The following PIGW variants were observed in gnomAD, a reference collection of about 807,000 sequenced individuals.
PIGW encodes glucosaminyl-phosphatidylinositol-acyltransferase PIGW.
PIGW carries 23 observed loss-of-function variants against 34.0 expected under a neutral mutation model. The ratio of observed to expected loss-of-function variants is 0.68; its 90% CI spans 0.49 to 0.96. The LOEUF is 0.96. Among genes scored for constraint, PIGW ranks in the 40% least tolerant of loss-of-function variants. The pLI, the probability that PIGW is intolerant of heterozygous loss-of-function variation, is 0.00. For missense variants in PIGW, 574 were observed against 586.3 expected, an observed-to-expected ratio of 0.98 and a Z score of 0.22; for synonymous variants, 225 against 225.2, an observed-to-expected ratio of 1.00 and a Z score of 0.01.
chr17:36,537,196 G>C lies in PIGW; in HGVS notation c.95G>C (p.Cys32Ser). 1 of 1,614,156 alleles carries C rather than the reference G, an allele frequency of 6.2e-7. No individual in the cohort carries two copies. The change falls in exon 2 of 2, where the codon TGT becomes TCT. Residue 32 changes from cysteine to serine, a missense_variant. Physicochemically the swap from Cys to Ser is moderately radical, Grantham distance 112. Transcript: ENST00000614443. ...CAGGGATTGTGCTTTCCTGCATTCT[G>C]TATCCTGTGCAGAGGGTTCCTGATC... ...ITQGLCFPAF[C>S]ILCRGFLIIF...
Position 36,537,553 on chromosome 17 carries a change from T to G in PIGW, c.452T>G (p.Leu151Arg), listed in dbSNP as rs1567808733. The change falls in exon 2 of 2, where the codon CTT becomes CGT. Residue 151 changes from leucine (L) to arginine (R), a missense_variant. Coordinates refer to ENST00000614443, the MANE Select transcript of PIGW (RefSeq NM_001346754.2). ...AIAILAVDFP[L>R]FPRRFAKTEL... ...GCTATTTTGGCTGTGGACTTCCCACTTTTTCCCAGAAGATTTGCCAAAACT... is the reference window on the plus strand; with the variant it reads ...GCTATTTTGGCTGTGGACTTCCCACGTTTTCCCAGAAGATTTGCCAAAACT... 6.2e-7 allele frequency: 1 copy of G among 1,614,198 alleles called. No homozygotes were observed. Among genetic ancestry groups the G allele is most frequent in the African/African-American group, 1.3e-5 (1 of 75,058 alleles).
In PIGW at chr17:36,538,519, C is replaced by T. The variant is rs2074174836; in HGVS notation, c.1418C>T (p.Thr473Ile). 2 of 1,613,694 alleles carry T rather than the reference C, an allele frequency of 1.2e-6. No individual in the cohort carries two copies. The highest frequency in any genetic ancestry group is 1.3e-5 in the African/African-American group (1 of 75,000). Residue 473 changes from threonine (T) to isoleucine (I), a missense_variant, in exon 2 of 2, where the codon ACC becomes ATC. Thr to Ile is a moderately conservative substitution (Grantham distance 89). Transcript: ENST00000614443. ...NLMVDTLHSS[T>I]LWALFVVNLY... ...ATGGTAGATACATTACACAGCAGTACCTTGTGGGCCTTATTTGTGGTCAAT... is the reference window on the plus strand; with the variant it reads ...ATGGTAGATACATTACACAGCAGTATCTTGTGGGCCTTATTTGTGGTCAAT...
chr17:36,538,737 C>G lies in PIGW; in HGVS notation c.*121C>G. 3.5e-6 allele frequency: 3 copies of G among 858,964 alleles called. No individual in the cohort carries two copies. The South Asian group carries it at 5.8e-5, about 17-fold the overall frequency. The allele number at this position is 858,964 out of a possible 1,614,324, so 53.2% of individuals were successfully genotyped here. A position where few individuals can be genotyped will look rare whatever the true frequency, so the allele number is the denominator to read the frequency against. ...TTTATTATAAAATAGTTTCAGTCAT[C>G]TAAACAGCAGTGATGCTTAATTATT... On this transcript the variant is annotated 3_prime_UTR_variant, in exon 2 of 2. Coordinates refer to ENST00000614443, the MANE Select transcript of PIGW (RefSeq NM_001346754.2).
Position 36,537,403 on chromosome 17 carries a change from G to C in PIGW, c.302G>C (p.Arg101Thr). 1 of 1,614,006 alleles carries C rather than the reference G, an allele frequency of 6.2e-7. No individual in the cohort carries two copies. The highest frequency in any genetic ancestry group is 8.5e-7 in the Non-Finnish European group (1 of 1,180,022). Residue 101 changes from arginine (R) to threonine (T), a missense_variant, in exon 2 of 2, where the codon AGG becomes ACG. Transcript: ENST00000614443. ...AGLLYQIYRR[R>T]TCYARLPFLK... The stretch of plus-strand genomic sequence containing the variant: ...CTGTTGTATCAAATATACCGAAGGA[G>C]GACCTGCTATGCCAGACTGCCTTTC...
In PIGW at chr17:36,537,792, G is replaced by A; in HGVS notation, c.691G>A (p.Glu231Lys). 6.2e-7 allele frequency: 1 copy of A among 1,614,130 alleles called. No individual in the cohort carries two copies. Among genetic ancestry groups the A allele is most frequent in the Non-Finnish European group, 8.5e-7 (1 of 1,180,002 alleles). ...AATAGGCTATCAGGAACATTTAACA[G>A]AGTATGGAGTTCACTGGAACTTTTT... Reference protein sequence around the residue: ...KSIGYQEHLTEYGVHWNFFFT... With the variant: ...KSIGYQEHLTKYGVHWNFFFT... Residue 231 changes from glutamate to lysine, a missense_variant, in exon 2 of 2, where the codon GAG becomes AAG. Coordinates refer to ENST00000614443, the MANE Select transcript of PIGW (RefSeq NM_001346754.2).
rs915498700 is a variant in PIGW at position 36,537,935 on chromosome 17, T to C, written c.834T>C (p.Phe278=). 2.5e-6 allele frequency: 4 copies of C among 1,614,142 alleles called. No individual in the cohort carries two copies. The highest frequency in any genetic ancestry group is 2.5e-6 in the Non-Finnish European group (3 of 1,180,030). The part of the protein sequence containing the change: ...ITVLYQLALD[F]TSLKRLILYG... ...TATTATACCAGCTAGCCCTTGACTT[T>C]ACCTCACTGAAGAGGTTAATATTAT... The change falls in exon 2 of 2, where the codon TTT becomes TTC. Residue 278 remains phenylalanine, a synonymous_variant. Transcript: ENST00000614443.
Position 36,537,410 on chromosome 17 carries a change from C to G in PIGW, c.309C>G (p.Cys103Trp), listed in dbSNP as rs537323347. Residue 103 changes from cysteine (C) to tryptophan (W), a missense_variant, in exon 2 of 2, where the codon TGC (cysteine) becomes TGG (tryptophan). By Grantham distance (215) the Cys-to-Trp change is radical. Coordinates refer to ENST00000614443, the MANE Select transcript of PIGW (RefSeq NM_001346754.2). ...ATCAAATATACCGAAGGAGGACCTG[C>G]TATGCCAGACTGCCTTTCCTAAAAA... ...LLYQIYRRRTCYARLPFLKIL... is the reference protein window; with the variant it reads ...LLYQIYRRRTWYARLPFLKIL... 5.1e-5 allele frequency: 83 copies of G among 1,614,050 alleles called. 3 individuals carry two copies. The South Asian group carries it at 9.1e-4, about 18-fold the overall frequency.
intron 1 of PIGW, among the ~76,000 whole-genome samples, chr17:36,536,390 A>G (rs1299146531): frequency 6.6e-6 from 1 of 152,172 alleles, no homozygotes; most frequent in African/African-American, 2.4e-5. Flanking sequence ...TCATTAGTAA[A>G]TCCTATTCAA....
chr17:36,538,279 T>C lies in PIGW; in HGVS notation c.1178T>C (p.Ile393Thr), dbSNP rs540887439. The change falls in exon 2 of 2, where the codon ATA (isoleucine) becomes ACA (threonine). Residue 393 changes from isoleucine to threonine, a missense_variant. Coordinates refer to ENST00000614443, the MANE Select transcript of PIGW (RefSeq NM_001346754.2). Reference protein sequence around the residue: ...ILLSSLLLGDIILSFAKFLIK... With the variant: ...ILLSSLLLGDTILSFAKFLIK... The stretch of plus-strand genomic sequence containing the variant: ...CTTAGTAGTTTATTACTGGGTGATA[T>C]AATTTTGAGTTTTGCCAAATTTCTA... 1.2e-4 allele frequency: 190 copies of C among 1,613,374 alleles called. No individual in the cohort carries two copies. In the South Asian group the frequency reaches 1.9e-3, roughly 16 times the overall value.
At position 36,538,068 on chromosome 17, in the gene PIGW, G is replaced by C; in HGVS notation, c.967G>C (p.Gly323Arg). ...AATACACATGGCTGGTGTGCAAACA[G>C]GGTTATATATGCATAAGAACCGATC... The part of the protein sequence containing the change: ...VAIHMAGVQT[G>R]LYMHKNRSHI... The change falls in exon 2 of 2, where the codon GGG (glycine) becomes CGG (arginine). Residue 323 changes from glycine (G) to arginine (R), a missense_variant. Coordinates refer to ENST00000614443, the MANE Select transcript of PIGW (RefSeq NM_001346754.2). 1 of 1,614,130 alleles carries C rather than the reference G, an allele frequency of 6.2e-7. No homozygotes were observed. The highest frequency in any genetic ancestry group is 8.5e-7 in the Non-Finnish European group (1 of 1,180,024).
chr17:36,536,524 CTTTTTT>C (rs10715370), intron 1 of PIGW, among the ~76,000 whole-genome samples: 4 of 125,532 alleles, frequency 3.2e-5, no homozygotes, highest in South Asian at 2.5e-4. Context: ...TTTTCTTTTC[CTTTTTT>C]TTTTTTTTTT....
chr17:36,537,203 G>A lies in PIGW; in HGVS notation c.102G>A (p.Leu34=). The change falls in exon 2 of 2, where the codon CTG becomes CTA. Residue 34 remains leucine (L), a synonymous_variant. Transcript: ENST00000614443. The stretch of plus-strand genomic sequence containing the variant: ...TGTGCTTTCCTGCATTCTGTATCCT[G>A]TGCAGAGGGTTCCTGATCATTTTCT... ...QGLCFPAFCI[L]CRGFLIIFSQ... 6.2e-7 allele frequency: 1 copy of A among 1,614,136 alleles called. No homozygotes were observed. The highest frequency in any genetic ancestry group is 2.2e-5 in the East Asian group (1 of 44,880).
rs1033063826 is a variant in PIGW, at chr17:36,535,381, G to A, written c.-220G>A. The A allele has an allele frequency of 1.3e-5, 2 of 152,332 alleles. No homozygotes were observed. The highest frequency in any genetic ancestry group is 6.5e-5 in the Admixed American group (1 of 15,286). 9.4% of individuals were successfully genotyped at this position (152,332 alleles called of 1,614,324 possible). ...TGCACCAGCCCAAAGGACATGACAG[G>A]AGTGGGTAGCCCACGGGACACTGGC... On this transcript the variant is annotated 5_prime_UTR_variant, in exon 1 of 2. Transcript: ENST00000614443.
At position 36,538,067 on chromosome 17, in the gene PIGW, A is replaced by C. The variant is rs754169928; in HGVS notation, c.966A>C (p.Thr322=). 6.2e-7 allele frequency: 1 copy of C among 1,614,210 alleles called. No homozygotes were observed. The highest frequency in any genetic ancestry group is 8.5e-7 in the Non-Finnish European group (1 of 1,180,038). Residue 322 remains threonine, a synonymous_variant, in exon 2 of 2, where the codon ACA becomes ACC. Coordinates refer to ENST00000614443, the MANE Select transcript of PIGW (RefSeq NM_001346754.2). ...YVAIHMAGVQ[T]GLYMHKNRSH... ...CAATACACATGGCTGGTGTGCAAAC[A>C]GGGTTATATATGCATAAGAACCGAT...
chr17:36,536,347 A>C (rs778176990), intron 1 of PIGW, among the ~76,000 whole-genome samples: 1 of 152,114 alleles, frequency 6.6e-6, no homozygotes, highest in Non-Finnish European at 1.5e-5. Flanking sequence ...TTCAAAATGT[A>C]CTTGGCCCCT....
At position 36,535,036 on chromosome 17, in the gene PIGW, C is replaced by T. The variant is rs2074053289; in HGVS notation, c.-565C>T. The T allele has an allele frequency of 1.3e-5, 2 of 152,334 alleles. No individual in the cohort carries two copies. The highest frequency in any genetic ancestry group is 2.1e-4 in the South Asian group (1 of 4,832). 9.4% of individuals were successfully genotyped at this position (152,334 alleles called of 1,614,324 possible). A position where few individuals can be genotyped will look rare whatever the true frequency, so the allele number is the denominator to read the frequency against. ...GGCTTGGCCGGGACGCCTGGTCCGG[C>T]TTGCTGGCTTCAACTACGGTGAGAT... On this transcript the variant is annotated 5_prime_UTR_variant, in exon 1 of 2. Coordinates refer to ENST00000614443, the MANE Select transcript of PIGW (RefSeq NM_001346754.2).
At position 36,538,149 on chromosome 17, in the gene PIGW, C is replaced by T. The variant is rs915277591; in HGVS notation, c.1048C>T (p.Leu350Phe). The T allele has an allele frequency of 6.2e-7, 1 of 1,613,976 alleles. No individual in the cohort carries two copies. ...TTTTCTTTTACTGGCAGCTATTAGC[C>T]TCTTCATATCTCTTTACGTAGTTCA... Reference protein sequence around the residue: ...ACFLLLAAISLFISLYVVQVN... With the variant: ...ACFLLLAAISFFISLYVVQVN... Residue 350 changes from leucine to phenylalanine, a missense_variant, in exon 2 of 2, where the codon CTC (leucine) becomes TTC (phenylalanine). Leu to Phe is a conservative substitution (Grantham distance 22). Transcript: ENST00000614443.
At position 36,538,192 on chromosome 17, in the gene PIGW, T is replaced by A; in HGVS notation, c.1091T>A (p.Val364Glu). Reference protein sequence around the residue: ...LYVVQVNVEAVSRRMANLAFC... With the variant: ...LYVVQVNVEAESRRMANLAFC... ...GTAGTTCAAGTAAATGTAGAAGCAG[T>A]ATCTCGAAGAATGGCAAATTTAGCC... The change falls in exon 2 of 2, where the codon GTA becomes GAA. Residue 364 changes from valine to glutamate, a missense_variant. By Grantham distance (121) the Val-to-Glu change is moderately radical (BLOSUM62 -2). Transcript: ENST00000614443. 6.2e-7 allele frequency: 1 copy of A among 1,613,596 alleles called. No homozygotes were observed. Among genetic ancestry groups the A allele is most frequent in the Non-Finnish European group, 8.5e-7 (1 of 1,180,018 alleles).
chr17:36,538,144 T>G lies in PIGW; in HGVS notation c.1043T>G (p.Ile348Ser). The change falls in exon 2 of 2, where the codon ATT (isoleucine) becomes AGT (serine). Residue 348 changes from isoleucine (I) to serine (S), a missense_variant. Coordinates refer to ENST00000614443, the MANE Select transcript of PIGW (RefSeq NM_001346754.2). ...KVACFLLLAA[I>S]SLFISLYVVQ... ...GCCTGTTTTCTTTTACTGGCAGCTATTAGCCTCTTCATATCTCTTTACGTA... is the reference window on the plus strand; with the variant it reads ...GCCTGTTTTCTTTTACTGGCAGCTAGTAGCCTCTTCATATCTCTTTACGTA... 1 of 1,614,128 alleles carries G rather than the reference T, an allele frequency of 6.2e-7. No homozygotes were observed. The highest frequency in any genetic ancestry group is 8.5e-7 in the Non-Finnish European group (1 of 1,180,016).
Sources: gnomAD v4.1 joint callset for allele counts (sites outside exome capture counted in the v4.1 genomes callset) on GRCh38, gnomAD v4.1.1 for gene constraint, MANE v1.5 for transcripts, NCBI Gene and HGNC (gene_info 2026-07-23, HGNC 2026-07-21) for gene names.